STXBP3: variants seen among roughly 807,000 people sequenced by gnomAD.
STXBP3 encodes the protein syntaxin-binding protein 3.
A neutral mutation model predicts 85.7 loss-of-function variants in STXBP3; 41 were observed. The observed-to-expected ratio is 0.48, with a 90% CI of 0.37 to 0.62. The LOEUF (loss-of-function observed/expected upper bound fraction) is 0.62. STXBP3 is among the 20% of genes least tolerant of loss of function. The probability of loss-of-function intolerance (pLI) is 0.00; values close to 1 mark genes in which losing one functional copy is unlikely to be tolerated. For synonymous variants in STXBP3, 229 were observed against 231.7 expected, an observed-to-expected ratio of 0.99 and a Z score of 0.10; for missense variants, 563 against 703.1, an observed-to-expected ratio of 0.80 and a Z score of 2.25.
chr1:108,755,232 A>G (rs914811901), intron 3 of STXBP3, among the ~76,000 whole-genome samples: 2 of 151,994 alleles, frequency 1.3e-5, no homozygotes, highest in Non-Finnish European at 2.9e-5. Context: ...GATCACTTGA[A>G]CTCAGGAGTT....
chr1:108,778,383 AATG>A (rs542694179), intron 8 of STXBP3, among the ~76,000 whole-genome samples: 47 of 152,300 alleles, frequency 3.1e-4, no homozygotes, highest in Middle Eastern at 3.4e-3. Context: ...TTTGCGAATT[AATG>A]ATAACAAGGC....
intron 6 of STXBP3, among the ~76,000 whole-genome samples, 173 bp from the exon 7 acceptor site, chr1:108,772,481 TATAAATACATG>T (rs1405053185): frequency 2.7e-5 from 4 of 145,902 alleles, no homozygotes; most frequent in African/African-American, 1.0e-4. Context: ...CTGTATAATA[TATAAATACATG>T]ATATCTATCT....
At chr1:108,794,683 T>G (rs898235066) in intron 12 of STXBP3, 144 bp from the exon 13 acceptor site, 1 of 645,218 alleles carries the variant, frequency 1.5e-6, no homozygotes, top group African/African-American at 1.8e-5. Flanking sequence ...TTTACTTCCT[T>G]TCTTGAGCTG....
chr1:108,747,793 T>C (rs1036177216), intron 1 of STXBP3, among the ~76,000 whole-genome samples: 2 of 152,178 alleles, frequency 1.3e-5, no homozygotes, highest in Non-Finnish European at 2.9e-5. Flanking sequence ...ACTAAGCAAA[T>C]GTATAAATAG....
At chr1:108,790,135 A>G (rs897409170) in intron 11 of STXBP3, among the ~76,000 whole-genome samples, 10 of 150,938 alleles carry the variant, frequency 6.6e-5, no homozygotes, top group Non-Finnish European at 1.2e-4. Context: ...TTCTTTTCTG[A>G]TTTTTTTTTA....
At chr1:108,800,350 C>G (rs776507944) in intron 17 of STXBP3, 45 bp downstream of exon 17, 3 of 1,427,118 alleles carry the variant, frequency 2.1e-6, no homozygotes, top group South Asian at 2.3e-5. Flanking sequence ...ATTCTACGGA[C>G]TAATAATTTA....
At chr1:108,802,128 G>A (rs1318209234) in intron 17 of STXBP3, among the ~76,000 whole-genome samples, 1 of 152,112 alleles carries the variant, frequency 6.6e-6, no homozygotes, top group African/African-American at 2.4e-5. Context: ...CGGGTGCGGT[G>A]GCTCATGCCT....
chr1:108,775,031 A>G (rs573349180), intron 7 of STXBP3, among the ~76,000 whole-genome samples: 1 of 152,182 alleles, frequency 6.6e-6, no homozygotes, highest in East Asian at 1.9e-4. Context: ...TTAAAAATGA[A>G]GTTTCTTTCT....
At position 108,808,830 on chromosome 1, in the gene STXBP3, A is replaced by T. The variant is rs1404785812; in HGVS notation, c.1732A>T (p.Met578Leu). 2 of 1,613,306 alleles carry T rather than the reference A, an allele frequency of 1.2e-6. No individual in the cohort carries two copies. Among genetic ancestry groups the T allele is most frequent in the Non-Finnish European group, 8.5e-7 (1 of 1,179,780 alleles). ...CAAAAAGCTGTTGGATGATATAAAG[A>T]TGCTGAATAAACCCAAGGATAAAGT... ...TPKKLLDDIK[M>L]LNKPKDKVSL... Residue 578 changes from methionine (M) to leucine (L), a missense_variant, in exon 19 of 19, where the codon ATG becomes TTG. Met to Leu is a conservative substitution (Grantham distance 15). This residue lies in a region of STXBP3 where 494 missense variants were observed against 592.8 expected (regional missense o/e 0.83). Coordinates refer to ENST00000370008, the MANE Select transcript of STXBP3 (RefSeq NM_007269.4).
chr1:108,804,608 G>T (rs933906389), intron 17 of STXBP3, among the ~76,000 whole-genome samples: 3 of 152,194 alleles, frequency 2.0e-5, no homozygotes, highest in African/African-American at 7.2e-5. Context: ...CATTGAGAAC[G>T]CATCCCTTCA....
At chr1:108,762,903 T>G (rs1468915673) in intron 6 of STXBP3, among the ~76,000 whole-genome samples, 1 of 152,196 alleles carries the variant, frequency 6.6e-6, no homozygotes, top group East Asian at 1.9e-4. Context: ...CCAACTTAAT[T>G]TTTAAATAGC....
intron 17 of STXBP3, among the ~76,000 whole-genome samples, chr1:108,806,103 G>A (rs1663324638): frequency 6.6e-6 from 1 of 152,142 alleles, no homozygotes; most frequent in Admixed American, 6.6e-5. Flanking sequence ...ATAAATGAAT[G>A]TTTATTTTGA....
At chr1:108,765,591 T>TTTTCCC (rs796642937) in intron 6 of STXBP3, among the ~76,000 whole-genome samples, 3 of 122,654 alleles carry the variant, frequency 2.4e-5, no homozygotes, top group African/African-American at 9.4e-5. Flanking sequence ...TTTTTTTTTT[T>TTTTCCC]TGAGACGGAG....
intron 18 of STXBP3, among the ~76,000 whole-genome samples, chr1:108,807,945 A>G (rs1476787152): frequency 6.6e-6 from 1 of 152,208 alleles, no homozygotes; most frequent in African/African-American, 2.4e-5. Context: ...TGTGTTATAC[A>G]TTTGAGACAA....
intron 6 of STXBP3, among the ~76,000 whole-genome samples, chr1:108,767,744 C>G (rs558222884): frequency 6.6e-6 from 1 of 152,132 alleles, no homozygotes; most frequent in African/African-American, 2.4e-5. Flanking sequence ...CCAGCACGCC[C>G]AGCTAATTTT....
At chr1:108,799,892 A>C (rs1663197631) in intron 16 of STXBP3, among the ~76,000 whole-genome samples, 1 of 152,186 alleles carries the variant, frequency 6.6e-6, no homozygotes, top group South Asian at 2.1e-4. Flanking sequence ...GCAAAGCTTT[A>C]GAAGTGTGTC....
chr1:108,763,210 C>A (rs1485835549), intron 6 of STXBP3, among the ~76,000 whole-genome samples: 1 of 152,202 alleles, frequency 6.6e-6, no homozygotes, highest in Non-Finnish European at 1.5e-5. Context: ...TTCCAACATA[C>A]AATCTAATAT....
At position 108,798,161 on chromosome 1, in the gene STXBP3, C is replaced by T. The variant is rs148327440; in HGVS notation, c.1373C>T (p.Pro458Leu). Residue 458 changes from proline to leucine, a missense_variant, in exon 16 of 19, where the codon CCG (proline) becomes CTG (leucine). By Grantham distance (98) the Pro-to-Leu change is moderately conservative (BLOSUM62 -3). Around this residue, in one of 3 missense-constraint regions of STXBP3, gnomAD observed 494 missense variants for 592.8 expected, o/e 0.83. Transcript: ENST00000370008. ...TTGTATTAGTCTCAACAAGGCAAACCGTTAAGAAAGGATCGGTCTGCAGAA... is the reference window on the plus strand; with the variant it reads ...TTGTATTAGTCTCAACAAGGCAAACTGTTAAGAAAGGATCGGTCTGCAGAA... ...PIVPQSQQGK[P>L]LRKDRSAEET... The T allele has an allele frequency of 1.3e-5, 21 of 1,607,854 alleles. No individual in the cohort carries two copies. The highest frequency in any genetic ancestry group is 2.2e-5 in the East Asian group (1 of 44,578).
intron 7 of STXBP3, among the ~76,000 whole-genome samples, chr1:108,775,053 A>G: frequency 6.6e-6 from 1 of 152,304 alleles, no homozygotes; most frequent in South Asian, 2.1e-4. Flanking sequence ...TTGAAAATAT[A>G]GTACAAAGAG....
Sources: allele counts gnomAD v4.1 joint callset (sites outside exome capture counted in the v4.1 genomes callset), GRCh38; gene constraint gnomAD v4.1.1; regional missense constraint gnomAD v4.1.1; transcripts MANE v1.5; gene names NCBI Gene and HGNC (gene_info 2026-07-23, HGNC 2026-07-21).